Variants in MAST4 observed in about 807,000 individuals in gnomAD.
The protein encoded by MAST4 is microtubule-associated serine/threonine-protein kinase 4.
Under a neutral mutation model 162.7 loss-of-function variants are expected in MAST4, and 89 were observed. That is an observed-to-expected ratio of 0.55 (90% CI 0.46 to 0.65). The LOEUF (loss-of-function observed/expected upper bound fraction) is 0.65. Ranked by LOEUF, MAST4 falls within the 30% of genes least tolerant of loss-of-function variation. The pLI, the probability that MAST4 is intolerant of heterozygous loss-of-function variation, is 0.00. For missense variants in MAST4, 3,153 were observed against 3,374.0 expected, an observed-to-expected ratio of 0.93 and a Z score of 1.62; for synonymous variants, 1,479 against 1,361.1, an observed-to-expected ratio of 1.09 and a Z score of -1.91.
chr5:66,964,406 A>G (rs1330769119), intron 4 of MAST4, among the ~76,000 whole-genome samples: 2 of 152,192 alleles, frequency 1.3e-5, no homozygotes, highest in Non-Finnish European at 2.9e-5. Context: ...ATTCTAATAG[A>G]CTTTTCATGA....
At chr5:66,804,410 G>A (rs1580490605) in intron 3 of MAST4, among the ~76,000 whole-genome samples, 2 of 152,308 alleles carry the variant, frequency 1.3e-5, no homozygotes, top group South Asian at 2.1e-4. Flanking sequence ...CTGCAGGTCC[G>A]ATGTCTGTCT....
intron 1 of MAST4, among the ~76,000 whole-genome samples, chr5:66,634,144 C>T (rs1190409315): frequency 6.6e-6 from 1 of 151,644 alleles, no homozygotes; most frequent in Non-Finnish European, 1.5e-5. Context: ...ACCGCAACCT[C>T]CACCTCCTGG....
At chr5:66,871,676 G>A (rs920811868) in intron 3 of MAST4, among the ~76,000 whole-genome samples, 10 of 152,156 alleles carry the variant, frequency 6.6e-5, no homozygotes, top group East Asian at 1.9e-4. Flanking sequence ...GCTTTCTGGC[G>A]TTTTTAAGTG....
At chr5:66,841,961 C>G (rs1758460710) in intron 3 of MAST4, among the ~76,000 whole-genome samples, 1 of 152,076 alleles carries the variant, frequency 6.6e-6, no homozygotes, top group Admixed American at 6.6e-5. Flanking sequence ...TGGTTTCTAG[C>G]AATCCCTGTT....
At position 66,772,570 on chromosome 5, in the gene MAST4, A is replaced by G. The variant is rs369914406; in HGVS notation, c.517+12708A>G. On this transcript the variant is annotated intron_variant, in intron 2 of 28. Transcript: ENST00000403625. ...AGAGAGTAACAGGGTACAATACAGT[A>G]GGGAGTGGGGAGATGTAGATCAGAG... is the stretch of plus-strand genomic sequence containing the variant. Among the ~76,000 whole-genome samples, 68 of 152,342 alleles carry G rather than the reference A, an allele frequency of 4.5e-4. 1 individual carries two copies. Among genetic ancestry groups the G allele is most frequent in the East Asian group, 3.3e-3 (17 of 5,186 alleles).
chr5:66,808,140 A>G (rs1276751708), intron 3 of MAST4, among the ~76,000 whole-genome samples: 2 of 152,238 alleles, frequency 1.3e-5, no homozygotes, highest in African/African-American at 4.8e-5. Flanking sequence ...AGTGGGAGAC[A>G]TGAATCTAAT....
At chr5:66,947,841 T>C (rs1300152570) in intron 4 of MAST4, among the ~76,000 whole-genome samples, 5 of 152,184 alleles carry the variant, frequency 3.3e-5, no homozygotes, top group African/African-American at 4.8e-5. Context: ...ATTTCCCCTC[T>C]TTAGAGTCAG....
chr5:66,800,819 T>G (rs1477761148), intron 3 of MAST4, among the ~76,000 whole-genome samples: 1 of 152,238 alleles, frequency 6.6e-6, no homozygotes, highest in African/African-American at 2.4e-5. Context: ...CTGCTCTTCA[T>G]GAATCTTCTT....
chr5:66,968,978 C>T (rs1390647322), intron 4 of MAST4, among the ~76,000 whole-genome samples: 2 of 152,200 alleles, frequency 1.3e-5, no homozygotes, highest in Non-Finnish European at 2.9e-5. Flanking sequence ...TTCTGGAGGG[C>T]AAGACCTGTC....
chr5:66,916,542 T>C (rs576913979), intron 4 of MAST4, among the ~76,000 whole-genome samples: 1 of 152,236 alleles, frequency 6.6e-6, no homozygotes. Context: ...CACAAAGTTA[T>C]ACAAAGAGGA....
chr5:66,831,310 A>C (rs1418768717), intron 3 of MAST4, among the ~76,000 whole-genome samples: 1 of 152,182 alleles, frequency 6.6e-6, no homozygotes. Flanking sequence ...AGGCTAATAT[A>C]GGGGAGTTTA....
chr5:66,747,194 T>C (rs962402522), intron 1 of MAST4, among the ~76,000 whole-genome samples: 1 of 152,018 alleles, frequency 6.6e-6, no homozygotes, highest in Non-Finnish European at 1.5e-5. Context: ...GAGATAGCAG[T>C]ATCAAAGTGC....
intron 2 of MAST4, among the ~76,000 whole-genome samples, chr5:66,785,868 T>C (rs187193321): frequency 6.6e-6 from 1 of 152,248 alleles, no homozygotes; most frequent in African/African-American, 2.4e-5. Flanking sequence ...TTTGTATTAT[T>C]ATTATTATTT....
intron 3 of MAST4, among the ~76,000 whole-genome samples, chr5:66,838,529 G>A (rs1165209605): frequency 6.6e-6 from 1 of 152,162 alleles, no homozygotes; most frequent in Non-Finnish European, 1.5e-5. Flanking sequence ...ACTGACCTGT[G>A]AAGGGTTTCT....
At chr5:67,156,767 G>T (rs1772591470) in intron 26 of MAST4, among the ~76,000 whole-genome samples, 1 of 152,200 alleles carries the variant, frequency 6.6e-6, no homozygotes, top group Admixed American at 6.5e-5. Flanking sequence ...AGGCCGCAGG[G>T]ATGCAATGGG....
In MAST4 at chr5:66,659,268, T is replaced by A. The variant is rs116502111; in HGVS notation, c.363+62250T>A. ...GAGTGAGAACTTCCTTGATGACTAT[T>A]CGGCCAATCAGACGATGGGAAGTAT... is the stretch of plus-strand genomic sequence containing the variant. On this transcript the variant is annotated intron_variant, in intron 1 of 28. Transcript: ENST00000403625. Among the ~76,000 whole-genome samples the A allele has an allele frequency of 5.7e-3, 861 of 152,244 alleles. 4 individuals carry two copies. The highest frequency in any genetic ancestry group is 7.8e-3 in the Non-Finnish European group (531 of 67,992).
intron 1 of MAST4, among the ~76,000 whole-genome samples, chr5:66,753,492 A>C (rs1753322746): frequency 6.6e-6 from 1 of 151,888 alleles, no homozygotes. Flanking sequence ...CCACAGAAAT[A>C]CAAACTACCA....
rs990143145 is a variant in MAST4, at chr5:66,832,439, T to G, written c.642+43645T>G. On this transcript the variant is annotated intron_variant, in intron 3 of 28. Transcript: ENST00000403625. ...CTGCACACCCCCCACCCCTGTCCCCTGCCCTTCCCACCTTATTTAAAACAA... is the reference window on the plus strand; with the variant it reads ...CTGCACACCCCCCACCCCTGTCCCCGGCCCTTCCCACCTTATTTAAAACAA... Among the ~76,000 whole-genome samples the G allele has an allele frequency of 9.9e-5, 15 of 151,286 alleles. 1 individual carries two copies. The highest frequency in any genetic ancestry group is 7.2e-4 in the Admixed American group (11 of 15,200).
intron 3 of MAST4, among the ~76,000 whole-genome samples, chr5:66,810,719 T>A (rs569712637): frequency 1.3e-5 from 2 of 152,350 alleles, no homozygotes; most frequent in South Asian, 4.1e-4. Context: ...ACAACAGTTC[T>A]GGAAGGGCTG....
Sources: gnomAD v4.1 joint callset for allele counts (sites outside exome capture counted in the v4.1 genomes callset) on GRCh38, gnomAD v4.1.1 for gene constraint, MANE v1.5 for transcripts, NCBI Gene and HGNC (gene_info 2026-07-23, HGNC 2026-07-21) for gene names.